WDR54: variants seen among roughly 807,000 people sequenced by gnomAD.
WDR54 encodes WD repeat domain 54.
WDR54 carries 44 observed loss-of-function variants against 44.1 expected under a neutral mutation model. The ratio of observed to expected loss-of-function variants is 1.00; its 90% CI spans 0.78 to 1.28. WDR54 has a LOEUF of 1.28. Ranked by LOEUF, WDR54 falls within the 50% of genes most tolerant of loss-of-function variation. The pLI is 0.00. For synonymous variants in WDR54, 169 were observed against 169.8 expected (o/e 1.00, Z 0.04); for missense variants, 409 against 429.7 (o/e 0.95, Z 0.43).
chr2:74,421,826 C>G lies in WDR54; in HGVS notation c.-2+10C>G, dbSNP rs967408818. The G allele has an allele frequency of 1.2e-5, 8 of 663,838 alleles. No individual in the cohort carries two copies. Among genetic ancestry groups the G allele is most frequent in the Non-Finnish European group, 2.2e-5 (8 of 362,468 alleles). 41.1% of individuals were successfully genotyped at this position (663,838 alleles called of 1,614,324 possible). On this transcript the variant is annotated intron_variant, in intron 1 of 9. Coordinates refer to ENST00000348227, the MANE Select transcript of WDR54 (RefSeq NM_032118.4). ...CGATCTGGGGCTGCAGGTGTTACCT[C>G]TGATCTAGGCCGGGGGCTTCAGGGA...
intron 2 of WDR54, 172 bp downstream of exon 2, chr2:74,422,547 C>A: frequency 1.2e-6 from 1 of 805,932 alleles, no homozygotes; most frequent in Non-Finnish European, 1.9e-6. Flanking sequence ...GTAATCCCAA[C>A]ACTTTGGGAG....
At chr2:74,423,605 T>C (rs999615402) in intron 5 of WDR54, 74 bp downstream of exon 5, 4 of 1,574,508 alleles carry the variant, frequency 2.5e-6, no homozygotes, top group Non-Finnish European at 3.5e-6. Context: ...AATGAGGGCC[T>C]GAGGAAATTG....
chr2:74,424,826 G>A, intron 6 of WDR54, 49 bp from the exon 7 acceptor site: 4 of 1,605,486 alleles, frequency 2.5e-6, no homozygotes, highest in Non-Finnish European at 3.4e-6. Flanking sequence ...CTGTATACAG[G>A]ACCATAGCAG....
intron 2 of WDR54, chr2:74,422,617 T>C (rs997147916): frequency 1.6e-6 from 1 of 609,844 alleles, no homozygotes; most frequent in Non-Finnish European, 2.9e-6. Flanking sequence ...TGGTGAAACC[T>C]CTTCTCTACT....
intron 2 of WDR54, chr2:74,422,657 G>C (rs1670169022): frequency 4.9e-6 from 3 of 611,688 alleles, no homozygotes. Context: ...ACCGGGTGTG[G>C]TGGCGTGCAC....
At position 74,424,948 on chromosome 2, in the gene WDR54, CATT is replaced by C. The variant is rs1558534779; in HGVS notation, c.612_614del (p.Leu205del). On this transcript the variant is annotated inframe_deletion, in exon 7 of 10. Transcript: ENST00000348227. ...GTCTGGCGGTCAGGGCCAGAATTCA[CATT>C]ATTGACCCGCATTCCAGGATTTGGG... The C allele has an allele frequency of 3.7e-6, 6 of 1,614,212 alleles. No homozygotes were observed. Among genetic ancestry groups the C allele is most frequent in the South Asian group, 2.2e-5 (2 of 91,078 alleles).
In WDR54 at chr2:74,422,493, C is replaced by T; in HGVS notation, c.222+118C>T. On this transcript the variant is annotated intron_variant, in intron 2 of 9. Transcript: ENST00000348227. ...CAGAATCTCCCCAGGCATGTCCTAACCTCAGAATCTCCCCTCTCCTGCCGG... is the reference window on the plus strand; with the variant it reads ...CAGAATCTCCCCAGGCATGTCCTAATCTCAGAATCTCCCCTCTCCTGCCGG... The T allele has an allele frequency of 4.1e-6, 5 of 1,226,294 alleles. No homozygotes were observed. In the South Asian group the frequency reaches 7.8e-5, roughly 19 times the overall value. The allele number at this position is 1,226,294 out of a possible 1,614,324, so 76.0% of individuals were successfully genotyped here.
At chr2:74,425,302 C>T in intron 8 of WDR54, 65 bp downstream of exon 8, 3 of 1,555,422 alleles carry the variant, frequency 1.9e-6, no homozygotes, top group Non-Finnish European at 2.6e-6. Flanking sequence ...GAGAACACCA[C>T]AGGCTTGTCT....
rs763976072 is a variant in WDR54 at position 74,423,957 on chromosome 2, T to C, written c.509T>C (p.Ile170Thr). 2 of 1,614,034 alleles carry C rather than the reference T, an allele frequency of 1.2e-6. No individual in the cohort carries two copies. Among genetic ancestry groups the C allele is most frequent in the Admixed American group, 1.7e-5 (1 of 60,016 alleles). The change falls in exon 6 of 10, where the codon ATT (isoleucine) becomes ACT (threonine). Residue 170 changes from isoleucine (I) to threonine (T), a missense_variant. Transcript: ENST00000348227. ...LAGHQMPITD[I>T]ATEPAQGQDC... Reference sequence around the variant, plus strand: ...GGGCACCAGATGCCAATCACAGACATTGCCACCGAGCCTGCCCAGGGACAG... The same window carrying C: ...GGGCACCAGATGCCAATCACAGACACTGCCACCGAGCCTGCCCAGGGACAG...
In WDR54 at chr2:74,422,914, C is replaced by G; in HGVS notation, c.267C>G (p.Thr89=). The change falls in exon 3 of 10, where the codon ACC becomes ACG. Residue 89 remains threonine (T), a synonymous_variant. Transcript: ENST00000348227. ...CCTTCCGAGTGCTGCTGGTACTCAC[C>G]TCACATCGAGGAATACAGGTAAGAA... The part of the protein sequence containing the change: ...VLPFRVLLVL[T]SHRGIQMYES... 1 of 1,614,154 alleles carries G rather than the reference C, an allele frequency of 6.2e-7. No individual in the cohort carries two copies. The highest frequency in any genetic ancestry group is 8.5e-7 in the Non-Finnish European group (1 of 1,180,022).
chr2:74,423,958 T>C lies in WDR54; in HGVS notation c.510T>C (p.Ile170=). The C allele has an allele frequency of 6.2e-7, 1 of 1,614,030 alleles. No individual in the cohort carries two copies. Among genetic ancestry groups the C allele is most frequent in the Non-Finnish European group, 8.5e-7 (1 of 1,179,994 alleles). ...GGCACCAGATGCCAATCACAGACATTGCCACCGAGCCTGCCCAGGGACAGG... is the reference window on the plus strand; with the variant it reads ...GGCACCAGATGCCAATCACAGACATCGCCACCGAGCCTGCCCAGGGACAGG... ...LAGHQMPITD[I]ATEPAQGQDC... is the part of the protein sequence containing the mutation. The change falls in exon 6 of 10, where the codon ATT becomes ATC. Residue 170 remains isoleucine (I), a synonymous_variant. Transcript: ENST00000348227.
intron 6 of WDR54, 47 bp from the exon 7 acceptor site, chr2:74,424,828 C>T (rs1670287420): frequency 6.2e-7 from 1 of 1,605,622 alleles, no homozygotes; most frequent in Non-Finnish European, 8.5e-7. Flanking sequence ...GTATACAGGA[C>T]CATAGCAGGG....
At chr2:74,425,277 G>T in intron 8 of WDR54, 40 bp downstream of exon 8, 1 of 1,532,862 alleles carries the variant, frequency 6.5e-7, no homozygotes, top group Admixed American at 2.1e-5. Flanking sequence ...CTTTTTCCTG[G>T]CAGTGGAATG....
chr2:74,425,580 G>A lies in WDR54; in HGVS notation c.884G>A (p.Cys295Tyr). Reference sequence around the variant, plus strand: ...CCTCTGCTCCCCCAGGTGGAACACTGTCATGGTGAGTGTGTCGCCGACACC... The same window carrying A: ...CCTCTGCTCCCCCAGGTGGAACACTATCATGGTGAGTGTGTCGCCGACACC... ...PESGYIEVEHCHGECVADTQL... is the reference protein window; with the variant it reads ...PESGYIEVEHYHGECVADTQL... The change falls in exon 10 of 10, where the codon TGT becomes TAT. Residue 295 changes from cysteine to tyrosine, a missense_variant. Transcript: ENST00000348227. The A allele has an allele frequency of 6.2e-7, 1 of 1,614,236 alleles. No individual in the cohort carries two copies. Among genetic ancestry groups the A allele is most frequent in the Non-Finnish European group, 8.5e-7 (1 of 1,180,036 alleles).
In WDR54 at chr2:74,425,588, G is replaced by T. The variant is rs756706778; in HGVS notation, c.892G>T (p.Glu298Ter). The change falls in exon 10 of 10, where the codon GAG becomes TAG. Residue 298 changes from glutamate to a stop codon, truncating the protein, a stop_gained. Coordinates refer to ENST00000348227, the MANE Select transcript of WDR54 (RefSeq NM_032118.4). LOFTEE classifies it high-confidence loss of function. ...GYIEVEHCHG[E>*]CVADTQLCGA... Reference sequence around the variant, plus strand: ...CCCCCAGGTGGAACACTGTCATGGTGAGTGTGTCGCCGACACCCAGCTGTG... The same window carrying T: ...CCCCCAGGTGGAACACTGTCATGGTTAGTGTGTCGCCGACACCCAGCTGTG... 5 of 1,614,120 alleles carry T rather than the reference G, an allele frequency of 3.1e-6. No homozygotes were observed. In the African/African-American group the frequency reaches 6.7e-5, roughly 22 times the overall value.
In WDR54 at chr2:74,422,199, G is replaced by A. The variant is rs779668093; in HGVS notation, c.46G>A (p.Ala16Thr). The stretch of plus-strand genomic sequence containing the variant: ...CATTCCCCTGCGAGGCTCGGCCGCC[G>A]CCCTGTGCAACAACCTCAGTGTGCT... ...RSIPLRGSAA[A>T]LCNNLSVLQL... Residue 16 changes from alanine (A) to threonine (T), a missense_variant, in exon 2 of 10, where the codon GCC becomes ACC. Coordinates refer to ENST00000348227, the MANE Select transcript of WDR54 (RefSeq NM_032118.4). 6.2e-7 allele frequency: 1 copy of A among 1,613,890 alleles called. No homozygotes were observed. Among genetic ancestry groups the A allele is most frequent in the Non-Finnish European group, 8.5e-7 (1 of 1,180,028 alleles).
At chr2:74,424,496 T>G (rs1006474278) in intron 6 of WDR54, among the ~76,000 whole-genome samples, 1 of 152,208 alleles carries the variant, frequency 6.6e-6, no homozygotes, top group Non-Finnish European at 1.5e-5. Context: ...GCCCATAGGT[T>G]GTGTTGGCTG....
In WDR54 at chr2:74,423,835, A is replaced by C; in HGVS notation, c.407-20A>C. ...AGGAGGGTCAGGAAGTCATCACTGG[A>C]GTACTGGTTCTGGATACAGGAACGT... is the stretch of plus-strand genomic sequence containing the variant. On this transcript the variant is annotated intron_variant, in intron 5 of 9. Transcript: ENST00000348227. 2 of 1,612,996 alleles carry C rather than the reference A, an allele frequency of 1.2e-6. No homozygotes were observed. The highest frequency in any genetic ancestry group is 1.7e-5 in the Admixed American group (1 of 59,932).
Position 74,425,214 on chromosome 2 carries a change from G to A in WDR54, c.775G>A (p.Asp259Asn). 1 of 1,532,442 alleles carries A rather than the reference G, an allele frequency of 6.5e-7. No individual in the cohort carries two copies. Among genetic ancestry groups the A allele is most frequent in the Non-Finnish European group, 8.8e-7 (1 of 1,138,742 alleles). The allele number at this position is 1,532,442 out of a possible 1,614,324, so 94.9% of individuals were successfully genotyped here. ...CCATGCCCGGGCCATCTGCGCCCTG[G>A]ACCTGGCTTCTGAGGTGGGCAAGGT... ...NAHARAICAL[D>N]LASEVGKLLS... The change falls in exon 8 of 10, where the codon GAC becomes AAC. Residue 259 changes from aspartate to asparagine, a missense_variant. By Grantham distance (23) the Asp-to-Asn change is conservative (BLOSUM62 1). Transcript: ENST00000348227.
Sources: allele counts gnomAD v4.1 joint callset (sites outside exome capture counted in the v4.1 genomes callset), GRCh38; gene constraint gnomAD v4.1.1; transcripts MANE v1.5; gene names NCBI Gene and HGNC (gene_info 2026-07-23, HGNC 2026-07-21).